Variants in EPHA5 observed in about 807,000 individuals in gnomAD.
EPHA5 encodes the protein ephrin type-A receptor 5.
A neutral mutation model predicts 105.0 loss-of-function variants in EPHA5; 60 were observed. The ratio of observed to expected loss-of-function variants is 0.57; its 90% CI spans 0.46 to 0.71. The LOEUF (loss-of-function observed/expected upper bound fraction) is 0.71. Among genes scored for constraint, EPHA5 ranks in the 30% least tolerant of loss-of-function variants. The probability of loss-of-function intolerance (pLI) is 0.00; values close to 1 mark genes in which losing one functional copy is unlikely to be tolerated. For synonymous variants in EPHA5, 513 were observed against 449.1 expected (o/e 1.14, Z -1.80); for missense variants, 1,218 against 1,274.7 (o/e 0.96, Z 0.68).
chr4:65,670,239 T>C lies in EPHA5; in HGVS notation c.-497A>G, dbSNP rs959092415. On this transcript the variant is annotated 5_prime_UTR_variant, in exon 1 of 17. Coordinates refer to ENST00000613740, the MANE Select transcript of EPHA5 (RefSeq NM_001281766.3). ...TAAAGAAAGAGGACTTGAGAAAATGTGGAGAATGAAAAACAGGAGAGCAGC... is the reference window on the plus strand; with the variant it reads ...TAAAGAAAGAGGACTTGAGAAAATGCGGAGAATGAAAAACAGGAGAGCAGC... The C allele has an allele frequency of 8.5e-6, 2 of 234,448 alleles. No homozygotes were observed. The highest frequency in any genetic ancestry group is 1.7e-5 in the Non-Finnish European group (2 of 119,092). The allele number at this position is 234,448 out of a possible 1,614,324, so 14.5% of individuals were successfully genotyped here. A position where few individuals can be genotyped will look rare whatever the true frequency, so the allele number is the denominator to read the frequency against.
In EPHA5 at chr4:65,630,225, C is replaced by T. The variant is rs138916092; in HGVS notation, c.246+13138G>A. On this transcript the variant is annotated intron_variant, in intron 2 of 16. Coordinates refer to ENST00000613740, the MANE Select transcript of EPHA5 (RefSeq NM_001281766.3). ...CTAGTCTCTCCATGGAGAGAAAAGACGTGAAACTGGTGATCAGCAGCTTCC... is the reference window on the plus strand; with the variant it reads ...CTAGTCTCTCCATGGAGAGAAAAGATGTGAAACTGGTGATCAGCAGCTTCC... Among the ~76,000 whole-genome samples, 80 of 152,170 alleles carry T rather than the reference C, an allele frequency of 5.3e-4. 1 individual carries two copies. Among genetic ancestry groups the T allele is most frequent in the Non-Finnish European group, 4.4e-5 (3 of 67,994 alleles).
rs2148893082 is a variant in EPHA5 at position 65,366,058 on chromosome 4, C to A, written c.1862-1G>T. 6.3e-7 allele frequency: 1 copy of A among 1,593,418 alleles called. No homozygotes were observed. The highest frequency in any genetic ancestry group is 8.6e-7 in the Non-Finnish European group (1 of 1,165,040). ...TAAGTTCTTACTCCTGGCAGTTTAACTGTAAATATAAATTGGCATTAAAAC... is the reference window on the plus strand; with the variant it reads ...TAAGTTCTTACTCCTGGCAGTTTAAATGTAAATATAAATTGGCATTAAAAC... On this transcript the variant is annotated splice_acceptor_variant, in intron 9 of 16. Coordinates refer to ENST00000613740, the MANE Select transcript of EPHA5 (RefSeq NM_001281766.3). LOFTEE classifies it high-confidence loss of function.
intron 1 of EPHA5, 181 bp downstream of exon 1, chr4:65,669,381 G>A (rs1750253046): frequency 1.0e-6 from 1 of 983,672 alleles, no homozygotes; most frequent in Non-Finnish European, 1.2e-6. Context: ...GTCAAACAAT[G>A]CAACCAAAAA....
At chr4:65,477,590 T>C (rs1328303893) in intron 5 of EPHA5, among the ~76,000 whole-genome samples, 1 of 151,976 alleles carries the variant, frequency 6.6e-6, no homozygotes, top group Non-Finnish European at 1.5e-5. Flanking sequence ...TTTTTGTATT[T>C]TTAGTAGAGT....
intron 3 of EPHA5, among the ~76,000 whole-genome samples, chr4:65,534,711 G>A (rs942639372): frequency 6.6e-6 from 1 of 152,108 alleles, no homozygotes; most frequent in Admixed American, 6.6e-5. Context: ...GACTCAGGCC[G>A]GGAGAAGTAT....
At chr4:65,658,377 G>A (rs1220634055) in intron 1 of EPHA5, among the ~76,000 whole-genome samples, 4 of 152,022 alleles carry the variant, frequency 2.6e-5, no homozygotes, top group Admixed American at 2.6e-4. Context: ...GGCACTGGAG[G>A]ACTATTGAAA....
intron 16 of EPHA5, among the ~76,000 whole-genome samples, chr4:65,329,365 G>T (rs1369060755): frequency 1.3e-5 from 2 of 151,262 alleles, no homozygotes; most frequent in Non-Finnish European, 3.0e-5. Flanking sequence ...AGCTATACAT[G>T]CACGTACTGG....
intron 5 of EPHA5, among the ~76,000 whole-genome samples, chr4:65,452,455 T>A (rs527236259): frequency 2.6e-5 from 4 of 152,188 alleles, no homozygotes; most frequent in African/African-American, 9.6e-5. Context: ...TAGTGTTCTT[T>A]AAGTTACATA....
At chr4:65,455,356 C>T (rs1727478335) in intron 5 of EPHA5, among the ~76,000 whole-genome samples, 1 of 152,170 alleles carries the variant, frequency 6.6e-6, no homozygotes. Flanking sequence ...CATCAATTTA[C>T]TAGAGTGCAC....
intron 8 of EPHA5, among the ~76,000 whole-genome samples, chr4:65,402,177 A>T (rs574769485): frequency 6.6e-6 from 1 of 152,034 alleles, no homozygotes; most frequent in East Asian, 1.9e-4. Context: ...TTGCCTTGTG[A>T]ACAGGTCTCT....
intron 3 of EPHA5, among the ~76,000 whole-genome samples, chr4:65,589,271 G>A (rs1742412005): frequency 4.0e-5 from 6 of 151,740 alleles, no homozygotes; most frequent in Admixed American, 3.9e-4. Context: ...GTCCATAATG[G>A]GAAAACAAAT....
intron 5 of EPHA5, 151 bp downstream of exon 5, chr4:65,490,226 A>T: frequency 1.6e-6 from 1 of 617,816 alleles, no homozygotes; most frequent in African/African-American, 1.8e-5. Flanking sequence ...TTAAAACTGC[A>T]AAAGCGTTTT....
intron 3 of EPHA5, among the ~76,000 whole-genome samples, chr4:65,593,704 T>C (rs1742901426): frequency 6.6e-6 from 1 of 152,180 alleles, no homozygotes; most frequent in South Asian, 2.1e-4. Flanking sequence ...CAGGGCTCAA[T>C]CTGGTTTTGT....
chr4:65,438,383 T>A (rs2149079662), intron 5 of EPHA5, among the ~76,000 whole-genome samples: 2 of 151,968 alleles, frequency 1.3e-5, no homozygotes, highest in East Asian at 3.9e-4. Context: ...AATATACATA[T>A]AAATATGGAT....
At chr4:65,647,067 G>A (rs569266754) in intron 1 of EPHA5, among the ~76,000 whole-genome samples, 35 of 152,084 alleles carry the variant, frequency 2.3e-4, no homozygotes, top group African/African-American at 6.3e-4. Flanking sequence ...GGTGGCTCAC[G>A]CCTGTAATCC....
intron 2 of EPHA5, among the ~76,000 whole-genome samples, chr4:65,608,781 CT>C (rs1306168302): frequency 6.6e-6 from 1 of 152,144 alleles, no homozygotes; most frequent in Non-Finnish European, 1.5e-5. Context: ...TAAACTGCAT[CT>C]TTTTGCAGAT....
At chr4:65,583,271 T>C (rs1741816040) in intron 3 of EPHA5, among the ~76,000 whole-genome samples, 1 of 151,600 alleles carries the variant, frequency 6.6e-6, no homozygotes, top group Non-Finnish European at 1.5e-5. Context: ...ACACAAATAT[T>C]ATTAAAGCTT....
At chr4:65,551,163 C>G (rs2149340080) in intron 3 of EPHA5, among the ~76,000 whole-genome samples, 1 of 102,902 alleles carries the variant, frequency 9.7e-6, no homozygotes, top group Non-Finnish European at 2.0e-5. Flanking sequence ...CATTTATTAT[C>G]CAAACATAAG....
intron 5 of EPHA5, among the ~76,000 whole-genome samples, chr4:65,429,736 A>G (rs1724798660): frequency 2.0e-5 from 3 of 152,064 alleles, no homozygotes. Context: ...TTTCTATTAT[A>G]CTATTAAAAT....
Sources: gnomAD v4.1 joint callset for allele counts (sites outside exome capture counted in the v4.1 genomes callset) on GRCh38, gnomAD v4.1.1 for gene constraint, MANE v1.5 for transcripts, NCBI Gene and HGNC (gene_info 2026-07-23, HGNC 2026-07-21) for gene names.